GREB1: variants seen among roughly 807,000 people sequenced by gnomAD.
GREB1 encodes protein GREB1.
Under a neutral mutation model 200.7 loss-of-function variants are expected in GREB1, and 106 were observed. The ratio of observed to expected loss-of-function variants is 0.53; its 90% CI spans 0.45 to 0.62. The LOEUF (loss-of-function observed/expected upper bound fraction) is 0.62, where lower values mean the gene tolerates loss of function less well. GREB1 is among the 20% of genes least tolerant of loss of function. The probability of loss-of-function intolerance (pLI) is 0.00; values close to 1 mark genes in which losing one functional copy is unlikely to be tolerated. For synonymous variants in GREB1, 1,132 were observed against 1,092.4 expected (o/e 1.04, Z -0.72); for missense variants, 2,243 against 2,556.8 (o/e 0.88, Z 2.65).
In GREB1 at chr2:11,589,044, G is replaced by C. The variant is rs1045826843; in HGVS notation, c.1345+113G>C. On this transcript the variant is annotated intron_variant, in intron 10 of 32. Transcript: ENST00000381486. ...TGGGCTGCTGGAATTGAAATACATG[G>C]GGAGAGCTTATGGCTTCACTGGCGG... 3 of 786,644 alleles carry C rather than the reference G, an allele frequency of 3.8e-6. No homozygotes were observed. In the Admixed American group the frequency reaches 6.2e-5, roughly 16 times the overall value. The allele number at this position is 786,644 out of a possible 1,614,324, so 48.7% of individuals were successfully genotyped here. A position where few individuals can be genotyped will look rare whatever the true frequency, so the allele number is the denominator to read the frequency against.
Position 11,618,554 on chromosome 2 carries a change from G to A in GREB1, c.3679G>A (p.Gly1227Ser), listed in dbSNP as rs1402365014. Residue 1227 changes from glycine (G) to serine (S), a missense_variant, in exon 22 of 33, where the codon GGC (glycine) becomes AGC (serine). Around this residue, in one of 3 missense-constraint regions of GREB1, gnomAD observed 587 missense variants for 553.1 expected, o/e 1.06. Transcript: ENST00000381486. ...SSCSQLSSSS[G>S]SSSSSVAPAA... ...GTGCTCCCAGCTGTCCTCCTCCTCG[G>A]GCTCATCCTCCTCATCCGTGGCGCC... 6.2e-7 allele frequency: 1 copy of A among 1,612,758 alleles called. No individual in the cohort carries two copies. The highest frequency in any genetic ancestry group is 1.1e-5 in the South Asian group (1 of 90,964).
chr2:11,485,013 G>C (rs1295430195), intron 1 of GREB1, among the ~76,000 whole-genome samples: 1 of 152,006 alleles, frequency 6.6e-6, no homozygotes, highest in Non-Finnish European at 1.5e-5. Flanking sequence ...TTATTTTTTT[G>C]TATTTTCAGT....
rs1450735139 is a variant in GREB1, at chr2:11,641,619, G to A, written c.*1165G>A. 6.6e-6 allele frequency: 1 copy of A among 152,088 alleles called. No homozygotes were observed. The highest frequency in any genetic ancestry group is 1.5e-5 in the Non-Finnish European group (1 of 68,076). 9.4% of individuals were successfully genotyped at this position (152,088 alleles called of 1,614,324 possible). A position where few individuals can be genotyped will look rare whatever the true frequency, so the allele number is the denominator to read the frequency against. ...TCCTGCCTCAGCCTCCCGAGTAGCTGGGACTACAGGCGCCCACCACCACGC... is the reference window on the plus strand; with the variant it reads ...TCCTGCCTCAGCCTCCCGAGTAGCTAGGACTACAGGCGCCCACCACCACGC... On this transcript the variant is annotated 3_prime_UTR_variant, in exon 33 of 33. Coordinates refer to ENST00000381486, the MANE Select transcript of GREB1 (RefSeq NM_014668.4).
intron 1 of GREB1, among the ~76,000 whole-genome samples, chr2:11,538,686 TTTCC>T (rs1572614638): frequency 7.8e-5 from 3 of 38,666 alleles, no homozygotes; most frequent in Non-Finnish European, 1.1e-4. Context: ...TCTTTCTTTC[TTTCC>T]TTCCTCCCTC....
Position 11,635,273 on chromosome 2 carries a change from C to G in GREB1, c.5214C>G (p.Phe1738Leu), listed in dbSNP as rs372151106. ...TQNVQYNQNR[F>L]LCDDVDFNLR... Reference sequence around the variant, plus strand: ...CCCCTCCTCTGGCCCTGAGTAGGTTCCTGTGTGACGATGTAGACTTCAACC... The same window carrying G: ...CCCCTCCTCTGGCCCTGAGTAGGTTGCTGTGTGACGATGTAGACTTCAACC... The change falls in exon 30 of 33, where the codon TTC (phenylalanine) becomes TTG (leucine). Residue 1738 changes from phenylalanine (F) to leucine (L), a missense_variant. Transcript: ENST00000381486. The G allele has an allele frequency of 1.9e-6, 3 of 1,614,052 alleles. No individual in the cohort carries two copies. The highest frequency in any genetic ancestry group is 2.5e-6 in the Non-Finnish European group (3 of 1,180,030).
chr2:11,611,272 T>G (rs1490391123), intron 18 of GREB1, among the ~76,000 whole-genome samples: 1 of 152,174 alleles, frequency 6.6e-6, no homozygotes, highest in Non-Finnish European at 1.5e-5. Flanking sequence ...CTTTCTTTTT[T>G]CCTGGGCATC....
In GREB1 at chr2:11,597,708, ATT is replaced by A; in HGVS notation, c.1955-72_1955-71del. 1 of 1,378,042 alleles carries A rather than the reference ATT, an allele frequency of 7.3e-7. No homozygotes were observed. The highest frequency in any genetic ancestry group is 1.0e-6 in the Non-Finnish European group (1 of 966,866). The allele number at this position is 1,378,042 out of a possible 1,614,324, so 85.4% of individuals were successfully genotyped here. ...CGTCTCCCCTGGACAGGTCTCACTG[ATT>A]CTCTGGCCAAGGGCCTGGCAGTAGC... On this transcript the variant is annotated intron_variant, in intron 13 of 32. Transcript: ENST00000381486. This position sits in a 1 kb window ranked among gnomAD's most constrained non-coding sequence, Gnocchi z 4.1.
rs138818911 is a variant in GREB1 at position 11,519,964 on chromosome 2, C to T, written c.-158-36493C>T. Among the ~76,000 whole-genome samples, 34 of 152,116 alleles carry T rather than the reference C, an allele frequency of 2.2e-4. No homozygotes were observed. In the East Asian group the frequency reaches 5.6e-3, roughly 25 times the overall value. ...AGCAGCCTGGGCAACATGGCCAAAC[C>T]CCATCTCTACAGAAAATACAAAAAT... is the stretch of plus-strand genomic sequence containing the variant. On this transcript the variant is annotated intron_variant, in intron 1 of 2. Transcript: ENST00000628795.
intron 17 of GREB1, among the ~76,000 whole-genome samples, chr2:11,607,505 CATATATGT>C (rs1558624832): frequency 7.6e-6 from 1 of 131,430 alleles, no homozygotes; most frequent in African/African-American, 3.0e-5. Context: ...CATATATATA[CATATATGT>C]ACATACATAT....
chr2:11,501,644 T>G (rs1327781288), intron 1 of GREB1, among the ~76,000 whole-genome samples: 2 of 152,056 alleles, frequency 1.3e-5, no homozygotes, highest in African/African-American at 4.8e-5. Context: ...TACACCTGCC[T>G]TGGCCTCCTA....
chr2:11,609,399 G>A (rs915142362), intron 17 of GREB1, among the ~76,000 whole-genome samples: 8 of 152,068 alleles, frequency 5.3e-5, no homozygotes, highest in South Asian at 2.1e-4. Flanking sequence ...CTCCCAAGTA[G>A]CTGGGATTAC....
intron 16 of GREB1, 39 bp downstream of exon 16, chr2:11,601,034 A>G (rs780163200): frequency 6.6e-7 from 1 of 1,525,002 alleles, no homozygotes; most frequent in South Asian, 1.1e-5. Flanking sequence ...GTGTAGCAAT[A>G]TCACTTGGGT....
chr2:11,492,394 G>C lies in GREB1; in HGVS notation c.-159+10013G>C, dbSNP rs1363398458. Among the ~76,000 whole-genome samples the C allele has an allele frequency of 6.6e-6, 1 of 152,240 alleles. No homozygotes were observed. Among genetic ancestry groups the C allele is most frequent in the Non-Finnish European group, 1.5e-5 (1 of 68,044 alleles). On this transcript the variant is annotated intron_variant, in intron 1 of 2. Transcript: ENST00000628795. This position sits in a 1 kb window ranked among gnomAD's most constrained non-coding sequence, Gnocchi z 4.0. ...TGGTCAGCCATTGAAGACTGAGTCA[G>C]CTGTACTCCTGGCCATGTGTACAGA...
In GREB1 at chr2:11,592,854, T is replaced by TCCGGCAGTA; in HGVS notation, c.1427_1435dup (p.Arg476_Tyr478dup). ...TGGCGCGAGTCGCACCTGACCGAGATCCGGCAGTACCAGCAGGCGCCGCCG... is the reference window on the plus strand; with the variant it reads ...TGGCGCGAGTCGCACCTGACCGAGATCCGGCAGTACCGGCAGTACCAGCAGGCGCCGCCG... On this transcript the variant is annotated inframe_insertion, in exon 11 of 33. Coordinates refer to ENST00000381486, the MANE Select transcript of GREB1 (RefSeq NM_014668.4). 6.3e-7 allele frequency: 1 copy of TCCGGCAGTA among 1,599,948 alleles called. No homozygotes were observed.
intron 10 of GREB1, chr2:11,592,102 C>T (rs891178615): frequency 1.5e-5 from 15 of 981,644 alleles, no homozygotes; most frequent in African/African-American, 3.5e-5. Context: ...TCTATACCAC[C>T]GTAGTTCCAG....
chr2:11,533,738 C>G (rs1166502137), upstream of GREB1, among the ~76,000 whole-genome samples: 2 of 152,346 alleles, frequency 1.3e-5, no homozygotes, highest in East Asian at 3.9e-4. Flanking sequence ...CTAGGGGTGA[C>G]TGGTGTGAAA....
At chr2:11,563,884 C>T (rs754105949) in intron 3 of GREB1, among the ~76,000 whole-genome samples, 1 of 152,104 alleles carries the variant, frequency 6.6e-6, no homozygotes, top group Non-Finnish European at 1.5e-5. Context: ...GGGAGCTATA[C>T]AGGAAAGTGG....
intron 1 of GREB1, among the ~76,000 whole-genome samples, chr2:11,527,564 G>A (rs1291678878): frequency 6.6e-6 from 1 of 152,190 alleles, no homozygotes; most frequent in Non-Finnish European, 1.5e-5. Flanking sequence ...CTGGGCATCT[G>A]GTGGATTGGC....
Position 11,597,712 on chromosome 2 carries a change from T to G in GREB1, c.1955-69T>G. On this transcript the variant is annotated intron_variant, in intron 13 of 32. Coordinates refer to ENST00000381486, the MANE Select transcript of GREB1 (RefSeq NM_014668.4). This position sits in a 1 kb window ranked among gnomAD's most constrained non-coding sequence, Gnocchi z 4.1. Reference sequence around the variant, plus strand: ...TCCCCTGGACAGGTCTCACTGATTCTCTGGCCAAGGGCCTGGCAGTAGCCG... The same window carrying G: ...TCCCCTGGACAGGTCTCACTGATTCGCTGGCCAAGGGCCTGGCAGTAGCCG... 7.0e-7 allele frequency: 1 copy of G among 1,427,244 alleles called. No homozygotes were observed. Among genetic ancestry groups the G allele is most frequent in the Non-Finnish European group, 9.9e-7 (1 of 1,011,390 alleles). The allele number at this position is 1,427,244 out of a possible 1,614,324, so 88.4% of individuals were successfully genotyped here.
Sources: allele counts gnomAD v4.1 joint callset (sites outside exome capture counted in the v4.1 genomes callset), GRCh38; gene constraint gnomAD v4.1.1; regional missense constraint gnomAD v4.1.1; non-coding constraint Gnocchi (gnomAD v3.1); transcripts MANE v1.5; gene names NCBI Gene and HGNC (gene_info 2026-07-23, HGNC 2026-07-21).